Variants in CASKIN1 observed in about 807,000 individuals in gnomAD.
CASKIN1 encodes the protein caskin-1.
Under a neutral mutation model 117.5 loss-of-function variants are expected in CASKIN1, and 42 were observed. The observed-to-expected ratio is 0.36, with a 90% confidence interval of 0.28 to 0.46. The LOEUF is 0.46. CASKIN1 is among the 20% of genes least tolerant of loss of function. CASKIN1 has a pLI of 1.00. For missense variants in CASKIN1, 2,083 were observed against 2,077.3 expected (o/e 1.00, Z -0.05); for synonymous variants, 1,148 against 961.7 (o/e 1.19, Z -3.59).
rs757267442 is a variant in CASKIN1 at position 2,185,204 on chromosome 16, C to A, written c.1151-5G>T. On this transcript the variant is annotated splice_polypyrimidine_tract_variant and splice_region_variant and intron_variant, in intron 11 of 19. Coordinates refer to ENST00000343516, the MANE Select transcript of CASKIN1 (RefSeq NM_020764.4). ...TGCTGCCGCTTCGGTCCCCACCTGC[C>A]AGCACAAGGGAGCAAGATGAGGCCA... The A allele has an allele frequency of 1.2e-6, 2 of 1,611,472 alleles. No individual in the cohort carries two copies. The highest frequency in any genetic ancestry group is 1.7e-6 in the Non-Finnish European group (2 of 1,179,448).
In CASKIN1 at chr16:2,181,784, G is replaced by T. The variant is rs768894955; in HGVS notation, c.1768+7C>A. The T allele has an allele frequency of 2.2e-5, 35 of 1,612,472 alleles. No homozygotes were observed. In the East Asian group the frequency reaches 7.6e-4, roughly 35 times the overall value. Reference sequence around the variant, plus strand: ...GCTGGGGACGAGGGCTGGGGCTGGGGCCTCACCCAGCTTGGTGATGCCGAT... The same window carrying T: ...GCTGGGGACGAGGGCTGGGGCTGGGTCCTCACCCAGCTTGGTGATGCCGAT... On this transcript the variant is annotated splice_region_variant and intron_variant, in intron 17 of 19. Transcript: ENST00000343516.
chr16:2,179,565 C>T lies in CASKIN1; in HGVS notation c.3775+28G>A, dbSNP rs1192677423. ...AAGGAGGTGGAGCAGGGTCCTGTTG[C>T]CCCTTCACCCCACCCTGGCTGGCCT... On this transcript the variant is annotated intron_variant, in intron 18 of 19. Transcript: ENST00000343516. This position sits in a 1 kb window ranked among gnomAD's most constrained non-coding sequence, Gnocchi z 5.8. 2 of 1,426,126 alleles carry T rather than the reference C, an allele frequency of 1.4e-6. No homozygotes were observed. Among genetic ancestry groups the T allele is most frequent in the African/African-American group, 1.5e-5 (1 of 67,796 alleles). 88.3% of individuals were successfully genotyped at this position (1,426,126 alleles called of 1,614,324 possible).
At position 2,189,145 on chromosome 16, in the gene CASKIN1, G is replaced by A; in HGVS notation, c.499C>T (p.Leu167Phe). The change falls in exon 6 of 20, where the codon CTC becomes TTC. Residue 167 changes from leucine (L) to phenylalanine (F), a missense_variant. Around this residue, in one of 3 missense-constraint regions of CASKIN1, gnomAD observed 203 missense variants for 338.7 expected, o/e 0.60. Coordinates refer to ENST00000343516, the MANE Select transcript of CASKIN1 (RefSeq NM_020764.4). ...EFGRVGVVQL[L>F]LSSNMCAALL... is the part of the protein sequence containing the mutation. ...GCCGCACACATATTGCTGCTGAGGA[G>A]CAGCTGGACCACCTTGAAGGAGGGG... 2.5e-6 allele frequency: 4 copies of A among 1,612,974 alleles called. No individual in the cohort carries two copies. Among genetic ancestry groups the A allele is most frequent in the Non-Finnish European group, 3.4e-6 (4 of 1,179,588 alleles).
Position 2,179,051 on chromosome 16 carries a change from G to C in CASKIN1, c.4050C>G (p.Ala1350=), listed in dbSNP as rs2093156738. 3 of 1,002,102 alleles carry C rather than the reference G, an allele frequency of 3.0e-6. No individual in the cohort carries two copies. The highest frequency in any genetic ancestry group is 1.8e-5 in the African/African-American group (1 of 56,896). The allele number at this position is 1,002,102 out of a possible 1,614,324, so 62.1% of individuals were successfully genotyped here. The change falls in exon 19 of 20, where the codon GCC becomes GCG. Residue 1350 remains alanine, a synonymous_variant. Coordinates refer to ENST00000343516, the MANE Select transcript of CASKIN1 (RefSeq NM_020764.4). The surrounding 1 kb of genome is among the most constrained non-coding windows in gnomAD (Gnocchi z 5.8). ...AKPPRAAAAA[A]AAAAAPPAPP... Reference sequence around the variant, plus strand: ...GGGCGGGGGGCGCGGCGGCGGCGGCGGCGGCGGCGGCGGCGGCTCGCGGGG... The same window carrying C: ...GGGCGGGGGGCGCGGCGGCGGCGGCCGCGGCGGCGGCGGCGGCTCGCGGGG...
chr16:2,178,044 T>C lies in CASKIN1; in HGVS notation c.*506A>G. The C allele has an allele frequency of 2.2e-6, 1 of 460,890 alleles. No individual in the cohort carries two copies. The highest frequency in any genetic ancestry group is 4.1e-6 in the Non-Finnish European group (1 of 244,512). The allele number at this position is 460,890 out of a possible 1,614,324, so 28.6% of individuals were successfully genotyped here. On this transcript the variant is annotated 3_prime_UTR_variant, in exon 20 of 20. Transcript: ENST00000343516. The stretch of plus-strand genomic sequence containing the variant: ...TCAATAATATTTCTTTCTTTAAATA[T>C]ATATTTGTTAAAGTTATACCTTTTT...
chr16:2,185,088 GC>G, intron 12 of CASKIN1, 22 bp downstream of exon 12: 1 of 1,609,014 alleles, frequency 6.2e-7, no homozygotes, highest in Non-Finnish European at 8.5e-7. Flanking sequence ...GGCCACCCTG[GC>G]CCTGGCCACT....
In CASKIN1 at chr16:2,189,530, G is replaced by A. The variant is rs771206737; in HGVS notation, c.279C>T (p.Gly93=). 6.2e-7 allele frequency: 1 copy of A among 1,611,034 alleles called. No individual in the cohort carries two copies. The highest frequency in any genetic ancestry group is 8.5e-7 in the Non-Finnish European group (1 of 1,179,502). The change falls in exon 4 of 20, where the codon GGC becomes GGT. Residue 93 remains glycine (G), a synonymous_variant. Coordinates refer to ENST00000343516, the MANE Select transcript of CASKIN1 (RefSeq NM_020764.4). ...MRPLHYAAWQ[G]RKEPMKLVLK... is the part of the protein sequence containing the mutation. ...GCACCAGCTTCATGGGCTCCTTCCGGCCCTGCCAGGCCGCATAGTGCAGCG... is the reference window on the plus strand; with the variant it reads ...GCACCAGCTTCATGGGCTCCTTCCGACCCTGCCAGGCCGCATAGTGCAGCG...
intron 17 of CASKIN1, 39 bp downstream of exon 17, chr16:2,181,752 G>A (rs2093169000): frequency 2.5e-6 from 4 of 1,601,236 alleles, no homozygotes; most frequent in Non-Finnish European, 3.4e-6. Context: ...CTTGGGCTGA[G>A]GGTTGGGCTG....
chr16:2,185,489 G>T, intron 10 of CASKIN1, 81 bp from the exon 11 acceptor site: 1 of 1,208,804 alleles, frequency 8.3e-7, no homozygotes, highest in Non-Finnish European at 1.1e-6. Context: ...AGAGACTGGC[G>T]CAGCCACAGC....
intron 1 of CASKIN1, among the ~76,000 whole-genome samples, chr16:2,191,085 C>A (rs79960691): frequency 6.6e-6 from 1 of 152,200 alleles, no homozygotes; most frequent in Non-Finnish European, 1.5e-5. Flanking sequence ...GGAAGCCCAC[C>A]GATGCCCTCC....
intron 1 of CASKIN1, among the ~76,000 whole-genome samples, chr16:2,194,807 G>A (rs1221835233): frequency 6.6e-6 from 1 of 152,120 alleles, no homozygotes; most frequent in East Asian, 1.9e-4. Flanking sequence ...CAATAGAAGG[G>A]AGGAGGAACC....
At chr16:2,183,250 C>T (rs1443113850) in intron 16 of CASKIN1, among the ~76,000 whole-genome samples, 1 of 152,206 alleles carries the variant, frequency 6.6e-6, no homozygotes, top group African/African-American at 2.4e-5. Flanking sequence ...AGGCGTGTGG[C>T]TGGCACGTAC....
Position 2,189,273 on chromosome 16 carries a change from G to T in CASKIN1, c.451C>A (p.Pro151Thr). 6.2e-7 allele frequency: 1 copy of T among 1,613,286 alleles called. No homozygotes were observed. Among genetic ancestry groups the T allele is most frequent in the Non-Finnish European group, 8.5e-7 (1 of 1,179,914 alleles). The change falls in exon 5 of 20, where the codon CCC (proline) becomes ACC (threonine). Residue 151 changes from proline to threonine, a missense_variant. Coordinates refer to ENST00000343516, the MANE Select transcript of CASKIN1 (RefSeq NM_020764.4). ...PCMVDNSGKT[P>T]LDLACEFGRV... ...CCGAACTCGCAGGCCAGGTCCAGGG[G>T]CGTCTTCCCCGAGTTGTCCACCATG...
Position 2,181,012 on chromosome 16 carries a change from C to G in CASKIN1, c.2356G>C (p.Gly786Arg). 1.3e-6 allele frequency: 2 copies of G among 1,485,492 alleles called. No homozygotes were observed. Among genetic ancestry groups the G allele is most frequent in the African/African-American group, 2.9e-5 (2 of 69,248 alleles). The allele number at this position is 1,485,492 out of a possible 1,614,324, so 92.0% of individuals were successfully genotyped here. Residue 786 changes from glycine to arginine, a missense_variant, in exon 18 of 20, where the codon GGC becomes CGC. By Grantham distance (125) the Gly-to-Arg change is moderately radical. Around this residue, in one of 3 missense-constraint regions of CASKIN1, gnomAD observed 1,818 missense variants for 1,688.9 expected, o/e 1.08. Coordinates refer to ENST00000343516, the MANE Select transcript of CASKIN1 (RefSeq NM_020764.4). ...PPQTPTKTRP[G>R]SPQALGGPHG... ...GGTCCCCCAAGGGCCTGGGGAGAGC[C>G]TGGTCGGGTTTTGGTGGGCGTCTGG...
rs1276205825 is a variant in CASKIN1, at chr16:2,180,299, A to G, written c.3069T>C (p.Pro1023=). The G allele has an allele frequency of 6.3e-7, 1 of 1,585,852 alleles. No individual in the cohort carries two copies. Among genetic ancestry groups the G allele is most frequent in the Non-Finnish European group, 8.5e-7 (1 of 1,170,126 alleles). The change falls in exon 18 of 20, where the codon CCT becomes CCC. Residue 1023 remains proline (P), a synonymous_variant. Coordinates refer to ENST00000343516, the MANE Select transcript of CASKIN1 (RefSeq NM_020764.4). ...IGGGGRAARR[P]PEGHPTPRPA... ...GGCGGGGAGTGGGGTGGCCCTCAGG[A>G]GGCCTGCGGGCAGCCCGGCCCCCAC...
Position 2,178,983 on chromosome 16 carries a change from A to G in CASKIN1, c.4118T>C (p.Leu1373Pro). Residue 1373 changes from leucine to proline, a missense_variant, in exon 19 of 20, where the codon CTG becomes CCG. Leu to Pro is a moderately conservative substitution (Grantham distance 98, BLOSUM62 -3). Coordinates refer to ENST00000343516, the MANE Select transcript of CASKIN1 (RefSeq NM_020764.4). ...GGCCAGGCACGCGCTTGTCTCCTCC[A>G]GTTTCTGCCGGGCGCTGTCCCCTGG... is the stretch of plus-strand genomic sequence containing the variant. ...ASPGDSARQK[L>P]EETSACLAAA... is the part of the protein sequence containing the mutation. 1.4e-6 allele frequency: 2 copies of G among 1,416,608 alleles called. No homozygotes were observed. The highest frequency in any genetic ancestry group is 1.8e-6 in the Non-Finnish European group (2 of 1,088,634). The allele number at this position is 1,416,608 out of a possible 1,614,324, so 87.8% of individuals were successfully genotyped here. A position where few individuals can be genotyped will look rare whatever the true frequency, so the allele number is the denominator to read the frequency against.
Position 2,180,653 on chromosome 16 carries a change from G to A in CASKIN1, c.2715C>T (p.Gly905=), listed in dbSNP as rs780225251. 6.5e-7 allele frequency: 1 copy of A among 1,529,358 alleles called. No individual in the cohort carries two copies. The highest frequency in any genetic ancestry group is 8.7e-7 in the Non-Finnish European group (1 of 1,143,614). The allele number at this position is 1,529,358 out of a possible 1,614,324, so 94.7% of individuals were successfully genotyped here. ...CGCGCCGCTGGACCGTGGCATAGGG[G>A]CCGGCAGCCGCAGGCACCAGCAGCT... is the stretch of plus-strand genomic sequence containing the variant. ...RDELLVPAAA[G]PYATVQRRVG... is the part of the protein sequence containing the mutation. The change falls in exon 18 of 20, where the codon GGC becomes GGT. Residue 905 remains glycine, a synonymous_variant. Coordinates refer to ENST00000343516, the MANE Select transcript of CASKIN1 (RefSeq NM_020764.4).
rs1255857986 is a variant in CASKIN1, at chr16:2,179,752, C to A, written c.3616G>T (p.Ala1206Ser). Residue 1206 changes from alanine (A) to serine (S), a missense_variant, in exon 18 of 20, where the codon GCG becomes TCG. By Grantham distance (99) the Ala-to-Ser change is moderately conservative. Coordinates refer to ENST00000343516, the MANE Select transcript of CASKIN1 (RefSeq NM_020764.4). The surrounding 1 kb of genome is among the most constrained non-coding windows in gnomAD (Gnocchi z 5.8). Reference sequence around the variant, plus strand: ...GGCGGGGGCAATGGGGGTAGGTGCGCCAGGTCGGTGGGCGGGGGTTCGGCA... The same window carrying A: ...GGCGGGGGCAATGGGGGTAGGTGCGACAGGTCGGTGGGCGGGGGTTCGGCA... ...PPAEPPPTDL[A>S]HLPPLPPPEG... is the part of the protein sequence containing the mutation. The A allele has an allele frequency of 6.4e-7, 1 of 1,560,778 alleles. No homozygotes were observed. Among genetic ancestry groups the A allele is most frequent in the African/African-American group, 1.4e-5 (1 of 74,018 alleles).
chr16:2,196,423 CCTTCCCCATGGCG>C lies in CASKIN1; in HGVS notation c.-4_9del. The C allele has an allele frequency of 7.6e-7, 1 of 1,315,922 alleles. No individual in the cohort carries two copies. The highest frequency in any genetic ancestry group is 9.8e-7 in the Non-Finnish European group (1 of 1,018,544). 81.5% of individuals were successfully genotyped at this position (1,315,922 alleles called of 1,614,324 possible). A position where few individuals can be genotyped will look rare whatever the true frequency, so the allele number is the denominator to read the frequency against. ...TTCACCGCCTGCACCAGCTCCTGCT[CCTTCCCCATGGCG>C]CGGCCGGGGCCGCAGCGACGCGGCT... On this transcript the variant is annotated start_lost and 5_prime_UTR_variant, in exon 1 of 20. Coordinates refer to ENST00000343516, the MANE Select transcript of CASKIN1 (RefSeq NM_020764.4). The surrounding 1 kb of genome is among the most constrained non-coding windows in gnomAD (Gnocchi z 5.7).
Sources: gnomAD v4.1 joint callset for allele counts (sites outside exome capture counted in the v4.1 genomes callset) on GRCh38, gnomAD v4.1.1 for gene constraint, gnomAD v4.1.1 regional missense constraint, Gnocchi (gnomAD v3.1) non-coding constraint, MANE v1.5 for transcripts, NCBI Gene and HGNC (gene_info 2026-07-23, HGNC 2026-07-21) for gene names.